Variants in NTRK3 observed in about 807,000 individuals in gnomAD.
NTRK3 encodes the protein neurotrophic receptor tyrosine kinase 3.
A neutral mutation model predicts 91.7 loss-of-function variants in NTRK3; 24 were observed. That is an observed-to-expected ratio of 0.26 (90% CI 0.19 to 0.37). NTRK3 has a LOEUF of 0.37. Among genes scored for constraint, NTRK3 ranks in the 10% least tolerant of loss-of-function variants. The pLI, the probability that NTRK3 is intolerant of heterozygous loss-of-function variation, is 1.00. For synonymous variants in NTRK3, 483 were observed against 404.0 expected, an observed-to-expected ratio of 1.20 and a Z score of -2.34; for missense variants, 880 against 1,068.9, an observed-to-expected ratio of 0.82 and a Z score of 2.46.
intron 14 of NTRK3, among the ~76,000 whole-genome samples, chr15:87,957,272 A>G (rs1318545031): frequency 6.6e-6 from 1 of 152,216 alleles, no homozygotes; most frequent in African/African-American, 2.4e-5. Flanking sequence ...GGTAAGCATC[A>G]AGTCTCAGCT....
At chr15:87,954,266 G>A (rs1230245113) in intron 14 of NTRK3, among the ~76,000 whole-genome samples, 1 of 152,038 alleles carries the variant, frequency 6.6e-6, no homozygotes, top group Non-Finnish European at 1.5e-5. Context: ...GAGATGAGAT[G>A]TTTCCCACAC....
chr15:87,950,295 A>AGAC (rs1001259935), intron 14 of NTRK3, among the ~76,000 whole-genome samples: 14 of 152,230 alleles, frequency 9.2e-5, no homozygotes, highest in African/African-American at 3.4e-4. Context: ...GTAGAAGGGG[A>AGAC]GACCAGAGGA....
intron 5 of NTRK3, among the ~76,000 whole-genome samples, chr15:88,157,468 G>A (rs956138748): frequency 1.3e-5 from 2 of 152,008 alleles, no homozygotes; most frequent in African/African-American, 2.4e-5. Context: ...ATCCTGCCCT[G>A]GCCTCTTGAT....
intron 3 of NTRK3, among the ~76,000 whole-genome samples, chr15:88,232,123 C>T (rs535472443): frequency 1.3e-5 from 2 of 152,258 alleles, no homozygotes; most frequent in South Asian, 4.1e-4. Flanking sequence ...GCACTTCACC[C>T]ACCCCACTGG....
At chr15:87,984,186 T>C (rs2074537575) in intron 14 of NTRK3, among the ~76,000 whole-genome samples, 1 of 152,156 alleles carries the variant, frequency 6.6e-6, no homozygotes, top group African/African-American at 2.4e-5. Flanking sequence ...GAGAATACCC[T>C]TGGTAAGCCA....
At chr15:88,118,671 AG>A (rs2052371981) in intron 13 of NTRK3, among the ~76,000 whole-genome samples, 1 of 152,252 alleles carries the variant, frequency 6.6e-6, no homozygotes, top group South Asian at 2.1e-4. Flanking sequence ...CTTCTGTTAT[AG>A]TTTCCTAAGG....
intron 13 of NTRK3, among the ~76,000 whole-genome samples, chr15:88,122,767 C>A (rs1449778352): frequency 6.6e-6 from 1 of 152,206 alleles, no homozygotes; most frequent in African/African-American, 2.4e-5. Flanking sequence ...CATCTCTCTA[C>A]TTCCCACTGC....
chr15:87,863,699 AC>A (rs2064585425), exon 19 of NTRK3: 3 of 226,918 alleles, frequency 1.3e-5, no homozygotes, highest in African/African-American at 6.7e-5. Flanking sequence ...AAACAGATGC[AC>A]CATTGGGGTC....
chr15:88,213,517 A>G (rs187427820), intron 3 of NTRK3, among the ~76,000 whole-genome samples: 5 of 152,318 alleles, frequency 3.3e-5, no homozygotes, highest in Admixed American at 3.3e-4. Context: ...ACAGACAGAC[A>G]GACAAGGCAG....
At chr15:87,934,145 C>A (rs1383625876) in intron 15 of NTRK3, among the ~76,000 whole-genome samples, 3 of 152,096 alleles carry the variant, frequency 2.0e-5, no homozygotes, top group African/African-American at 4.8e-5. Context: ...GCAATGCTGG[C>A]CAGATGGAAA....
At chr15:87,876,897 GAGGCAAC>G (rs1434649713) in exon 19 of NTRK3, 2 of 1,608,274 alleles carry the variant, frequency 1.2e-6, no homozygotes, top group African/African-American at 2.7e-5. Context: ...AGGGAGAGAG[GAGGCAAC>G]AGAGTATGAA....
chr15:87,859,786 C>T (rs1002271444), exon 19 of NTRK3: 1 of 176,230 alleles, frequency 5.7e-6, no homozygotes, highest in Admixed American at 6.3e-5. Flanking sequence ...AGAGACCCTA[C>T]ATAAACTATG....
At chr15:88,170,598 C>T (rs2045414316) in intron 5 of NTRK3, among the ~76,000 whole-genome samples, 1 of 152,182 alleles carries the variant, frequency 6.6e-6, no homozygotes. Context: ...AGGAAGTCAC[C>T]TGTGCACCAT....
exon 19 of NTRK3, chr15:87,869,358 C>T (rs1439563759): frequency 4.4e-6 from 1 of 229,044 alleles, no homozygotes; most frequent in Non-Finnish European, 8.7e-6. Context: ...TCTCAATGAG[C>T]TTTGCAGTAA....
intron 10 of NTRK3, among the ~76,000 whole-genome samples, chr15:88,133,360 G>T (rs985783329): frequency 6.6e-6 from 1 of 152,110 alleles, no homozygotes; most frequent in African/African-American, 2.4e-5. Context: ...TCATCCAACT[G>T]CTGCTGCTAC....
chr15:88,022,185 T>C (rs1485601460), intron 14 of NTRK3, among the ~76,000 whole-genome samples: 1 of 152,146 alleles, frequency 6.6e-6, no homozygotes, highest in Non-Finnish European at 1.5e-5. Context: ...CCTGGGGTGT[T>C]CTTAAGCTCT....
chr15:88,172,780 G>T (rs988391646), intron 5 of NTRK3, among the ~76,000 whole-genome samples: 1 of 152,178 alleles, frequency 6.6e-6, no homozygotes, highest in Non-Finnish European at 1.5e-5. Flanking sequence ...ATGATCGGGG[G>T]TTGGGGGGCA....
chr15:87,988,499 T>C (rs1049681695), intron 14 of NTRK3, among the ~76,000 whole-genome samples: 11 of 152,238 alleles, frequency 7.2e-5, no homozygotes, highest in African/African-American at 2.4e-4. Flanking sequence ...ATGATTACAA[T>C]AGGAGAAACT....
intron 5 of NTRK3, among the ~76,000 whole-genome samples, chr15:88,166,297 A>G (rs2044937995): frequency 6.6e-6 from 1 of 152,164 alleles, no homozygotes; most frequent in Admixed American, 6.5e-5. Flanking sequence ...CACTCCCTCT[A>G]CTGTTTACAT....
Sources: allele counts gnomAD v4.1 joint callset (sites outside exome capture counted in the v4.1 genomes callset), GRCh38; gene constraint gnomAD v4.1.1; transcripts MANE v1.5; gene names NCBI Gene and HGNC (gene_info 2026-07-23, HGNC 2026-07-21).